CTNNA2: variants seen among roughly 807,000 people sequenced by gnomAD.
CTNNA2 encodes catenin alpha-2.
In CTNNA2, 42 loss-of-function variants were observed where a neutral mutation model predicts 101.0. That is an observed-to-expected ratio of 0.42 (90% confidence interval 0.32 to 0.54). The LOEUF is 0.54. Among genes scored for constraint, CTNNA2 ranks in the 20% least tolerant of loss-of-function variants. The pLI is 0.14. For missense variants in CTNNA2, 871 were observed against 1,223.1 expected (o/e 0.71, Z 4.29); for synonymous variants, 450 against 456.4 (o/e 0.99, Z 0.18).
At chr2:80,157,182 C>G (rs919670638) in intron 7 of CTNNA2, among the ~76,000 whole-genome samples, 1 of 152,120 alleles carries the variant, frequency 6.6e-6, no homozygotes. Flanking sequence ...AAAATATGTT[C>G]TTTCATCCTC....
At chr2:79,751,117 T>C (rs1220330263) in intron 3 of CTNNA2, among the ~76,000 whole-genome samples, 1 of 152,122 alleles carries the variant, frequency 6.6e-6, no homozygotes, top group East Asian at 1.9e-4. Context: ...TAATATTTAA[T>C]GTGATCATTG....
intron 3 of CTNNA2, among the ~76,000 whole-genome samples, chr2:79,342,260 A>T (rs1312083278): frequency 1.3e-5 from 2 of 152,196 alleles, no homozygotes; most frequent in Non-Finnish European, 2.9e-5. Flanking sequence ...TTTACTTGCT[A>T]TCAGAGATTG....
chr2:80,396,403 A>C (rs79649743), intron 8 of CTNNA2, among the ~76,000 whole-genome samples: 2,687 of 152,282 alleles, frequency 0.018, 80 homozygotes, highest in African/African-American at 0.06. Flanking sequence ...TCTCATTTTA[A>C]AGCTGTGGGC....
intron 13 of CTNNA2, among the ~76,000 whole-genome samples, chr2:80,580,560 T>A (rs1695443551): frequency 6.6e-6 from 1 of 152,200 alleles, no homozygotes; most frequent in South Asian, 2.1e-4. Context: ...TTGCACCTTG[T>A]ATTACTTACC....
intron 4 of CTNNA2, among the ~76,000 whole-genome samples, chr2:79,384,961 T>TA (rs1678081602): frequency 6.6e-6 from 1 of 152,230 alleles, no homozygotes; most frequent in African/African-American, 2.4e-5. Context: ...ATCACATTTT[T>TA]TATCCTTAGA....
intron 1 of CTNNA2, among the ~76,000 whole-genome samples, chr2:79,187,275 T>G (rs59930065): frequency 7.9e-6 from 1 of 126,326 alleles, no homozygotes; most frequent in Non-Finnish European, 1.6e-5. Flanking sequence ...CTTTTCTTTT[T>G]TTTTTTTTTT....
chr2:79,298,697 G>A (rs567286327), intron 2 of CTNNA2, among the ~76,000 whole-genome samples: 2 of 152,178 alleles, frequency 1.3e-5, no homozygotes, highest in African/African-American at 4.8e-5. Flanking sequence ...AGACACTGAT[G>A]TCCCCAAATC....
intron 7 of CTNNA2, among the ~76,000 whole-genome samples, chr2:80,030,001 C>T (rs1484580534): frequency 6.6e-6 from 1 of 151,850 alleles, no homozygotes; most frequent in Non-Finnish European, 1.5e-5. Context: ...TGGCTAAGAC[C>T]CCAAGGGGTG....
chr2:79,549,005 C>T (rs150286208), intron 1 of CTNNA2, among the ~76,000 whole-genome samples: 12 of 152,230 alleles, frequency 7.9e-5, no homozygotes, highest in Admixed American at 3.3e-4. Context: ...GGTGAAGGTC[C>T]GTTGCCGCTT....
At chr2:79,932,220 C>T (rs768604508) in intron 7 of CTNNA2, among the ~76,000 whole-genome samples, 1 of 152,140 alleles carries the variant, frequency 6.6e-6, no homozygotes, top group Non-Finnish European at 1.5e-5. Flanking sequence ...ACTCTACCTC[C>T]AGAGCCCTCC....
chr2:79,689,479 A>T (rs1684148383), intron 2 of CTNNA2, among the ~76,000 whole-genome samples: 1 of 152,026 alleles, frequency 6.6e-6, no homozygotes, highest in Non-Finnish European at 1.5e-5. Context: ...CTTCTACAAT[A>T]TTCTTCTCAC....
chr2:79,587,808 C>T (rs1676592279), intron 1 of CTNNA2, among the ~76,000 whole-genome samples: 1 of 152,178 alleles, frequency 6.6e-6, no homozygotes. Flanking sequence ...AACTATTCAT[C>T]TTTCTCCTCT....
intron 7 of CTNNA2, among the ~76,000 whole-genome samples, chr2:80,102,246 A>T (rs1284007473): frequency 6.6e-6 from 1 of 152,096 alleles, no homozygotes; most frequent in Non-Finnish European, 1.5e-5. Flanking sequence ...TTGCTGTCTG[A>T]TTCACCCTCT....
chr2:80,155,357 G>A (rs114905138), intron 7 of CTNNA2, among the ~76,000 whole-genome samples: 278 of 152,248 alleles, frequency 1.8e-3, no homozygotes, highest in African/African-American at 3.0e-3. Flanking sequence ...AATTTGTTGC[G>A]TACAACTCAC....
intron 1 of CTNNA2, among the ~76,000 whole-genome samples, chr2:79,614,940 G>A (rs759569829): frequency 6.6e-5 from 10 of 152,158 alleles, no homozygotes; most frequent in Non-Finnish European, 1.2e-4. Flanking sequence ...TGCATAGGCT[G>A]TTAGATTTCA....
intron 9 of CTNNA2, among the ~76,000 whole-genome samples, chr2:80,482,009 A>G (rs1281729042): frequency 1.3e-5 from 2 of 152,156 alleles, no homozygotes; most frequent in Non-Finnish European, 2.9e-5. Flanking sequence ...CTCATTTGCT[A>G]TGAATCATGG....
At chr2:79,659,717 C>T (rs1210721672) in intron 2 of CTNNA2, among the ~76,000 whole-genome samples, 1 of 152,098 alleles carries the variant, frequency 6.6e-6, no homozygotes, top group African/African-American at 2.4e-5. Context: ...AGTTTTGGGG[C>T]CAGGAGCAGT....
chr2:80,642,648 A>T (rs930298044), intron 18 of CTNNA2, among the ~76,000 whole-genome samples: 1 of 152,180 alleles, frequency 6.6e-6, no homozygotes, highest in African/African-American at 2.4e-5. Flanking sequence ...TTTCTGTTGA[A>T]ACTGAACACC....
At chr2:79,775,683 C>G (rs1400992952) in intron 3 of CTNNA2, among the ~76,000 whole-genome samples, 1 of 152,098 alleles carries the variant, frequency 6.6e-6, no homozygotes, top group East Asian at 1.9e-4. Context: ...AATATGGGAA[C>G]ATTAGGCCAT....
Sources: gnomAD v4.1 joint callset for allele counts (sites outside exome capture counted in the v4.1 genomes callset) on GRCh38, gnomAD v4.1.1 for gene constraint, MANE v1.5 for transcripts, NCBI Gene and HGNC (gene_info 2026-07-23, HGNC 2026-07-21) for gene names.